Variants in CTNNA3 observed in about 807,000 individuals in gnomAD.
CTNNA3 encodes the protein catenin alpha 3, also known as catenin alpha-3.
A neutral mutation model predicts 95.7 loss-of-function variants in CTNNA3; 76 were observed. That is an observed-to-expected ratio of 0.79 (90% CI 0.66 to 0.96). The LOEUF is 0.96. CTNNA3 is among the 40% of genes least tolerant of loss of function. The pLI is 0.00. For missense variants in CTNNA3, 1,191 were observed against 1,089.8 expected, an observed-to-expected ratio of 1.09 and a Z score of -1.31; for synonymous variants, 431 against 374.4, an observed-to-expected ratio of 1.15 and a Z score of -1.74.
At chr10:67,486,372 A>G (rs1848449931) in intron 5 of CTNNA3, among the ~76,000 whole-genome samples, 1 of 152,118 alleles carries the variant, frequency 6.6e-6, no homozygotes, top group Non-Finnish European at 1.5e-5. Flanking sequence ...CTAGTACTCA[A>G]TTCCAATAGA....
rs532225128 is a variant in CTNNA3, at chr10:66,506,076, G to T, written c.1531+14541C>A. Reference sequence around the variant, plus strand: ...GGGAGCCAGCATGTAGAGATTACTTGGTAAGGGAGGAAGCAAAGGGTGCGG... The same window carrying T: ...GGGAGCCAGCATGTAGAGATTACTTTGTAAGGGAGGAAGCAAAGGGTGCGG... On this transcript the variant is annotated intron_variant, in intron 11 of 17. Transcript: ENST00000433211. Among the ~76,000 whole-genome samples, 3 of 152,186 alleles carry T rather than the reference G, an allele frequency of 2.0e-5. No homozygotes were observed. In the East Asian group the frequency reaches 5.8e-4, roughly 30 times the overall value.
intron 5 of CTNNA3, among the ~76,000 whole-genome samples, chr10:67,374,722 G>T (rs1028830595): frequency 2.0e-5 from 3 of 152,134 alleles, no homozygotes; most frequent in Admixed American, 6.5e-5. Context: ...CTTGAAGGAA[G>T]TAAAGCAGCA....
At chr10:67,054,263 T>C (rs1409124397) in intron 7 of CTNNA3, among the ~76,000 whole-genome samples, 1 of 152,040 alleles carries the variant, frequency 6.6e-6, no homozygotes, top group Non-Finnish European at 1.5e-5. Context: ...TGTGGAGATA[T>C]AAAAATTTAC....
intron 13 of CTNNA3, among the ~76,000 whole-genome samples, chr10:66,124,260 G>T (rs925052084): frequency 6.6e-6 from 1 of 152,094 alleles, no homozygotes; most frequent in Non-Finnish European, 1.5e-5. Context: ...TCTCTCTAGG[G>T]CAGGGGCAAA....
At chr10:67,151,891 A>G (rs1861102173) in intron 7 of CTNNA3, among the ~76,000 whole-genome samples, 1 of 152,202 alleles carries the variant, frequency 6.6e-6, no homozygotes, top group Non-Finnish European at 1.5e-5. Flanking sequence ...CCATTCCCCT[A>G]GGGGATAACA....
intron 13 of CTNNA3, among the ~76,000 whole-genome samples, chr10:66,182,720 A>C (rs949828564): frequency 6.4e-5 from 9 of 140,940 alleles, no homozygotes; most frequent in Admixed American, 1.4e-4. Context: ...TCTTAATGCC[A>C]AAAAAAGATG....
intron 10 of CTNNA3, among the ~76,000 whole-genome samples, chr10:66,567,996 A>C (rs1265325120): frequency 2.0e-5 from 3 of 152,250 alleles, no homozygotes; most frequent in Admixed American, 6.5e-5. Flanking sequence ...GATTGTGTTC[A>C]AACATGTATA....
At chr10:67,357,012 C>A (rs75752226) in intron 5 of CTNNA3, among the ~76,000 whole-genome samples, 1 of 152,078 alleles carries the variant, frequency 6.6e-6, no homozygotes, top group South Asian at 2.1e-4. Context: ...CCTACACAAC[C>A]GTTTAACGTC....
rs1402956278 is a variant in CTNNA3 at position 67,246,181 on chromosome 10, ACTG to A, written c.580-26314_580-26312del. ...AATAACGATTTTGCCTTACTCAAGA[ACTG>A]TACGCAGAGCATGAATCATCTATAT... On this transcript the variant is annotated intron_variant, in intron 5 of 17. Transcript: ENST00000433211. Among the ~76,000 whole-genome samples the A allele has an allele frequency of 1.6e-4, 24 of 152,280 alleles. No homozygotes were observed. In the East Asian group the frequency reaches 4.6e-3, roughly 29 times the overall value.
At chr10:66,540,110 A>G (rs1841798012) in intron 10 of CTNNA3, among the ~76,000 whole-genome samples, 1 of 152,134 alleles carries the variant, frequency 6.6e-6, no homozygotes, top group Non-Finnish European at 1.5e-5. Context: ...CCTTACTGTT[A>G]TAAACATTGG....
chr10:67,148,140 T>TA (rs1860927057), intron 7 of CTNNA3, among the ~76,000 whole-genome samples: 1 of 151,936 alleles, frequency 6.6e-6, no homozygotes, highest in Non-Finnish European at 1.5e-5. Flanking sequence ...ACTAGAAAAA[T>TA]AAAGAAGATC....
At chr10:66,391,339 G>C (rs866081396) in intron 11 of CTNNA3, among the ~76,000 whole-genome samples, 6 of 152,002 alleles carry the variant, frequency 3.9e-5, no homozygotes, top group Non-Finnish European at 8.8e-5. Context: ...GTCATTGAAG[G>C]CTTCATATTT....
chr10:67,756,765 G>A (rs1841435807), intron 1 of CTNNA3, among the ~76,000 whole-genome samples: 1 of 152,092 alleles, frequency 6.6e-6, no homozygotes, highest in African/African-American at 2.4e-5. Flanking sequence ...ATACATTAGT[G>A]ACAGTAACAC....
chr10:66,008,028 C>T (rs1195562321), intron 15 of CTNNA3, among the ~76,000 whole-genome samples: 1 of 151,916 alleles, frequency 6.6e-6, no homozygotes, highest in Non-Finnish European at 1.5e-5. Context: ...CAACGTTTTC[C>T]CCAAATACTC....
At chr10:67,262,805 G>C (rs928484872) in intron 5 of CTNNA3, among the ~76,000 whole-genome samples, 7 of 152,102 alleles carry the variant, frequency 4.6e-5, no homozygotes, top group African/African-American at 1.7e-4. Context: ...AAGAAATAAT[G>C]TTAAAAATGA....
chr10:67,189,666 T>C (rs918737117), intron 6 of CTNNA3, among the ~76,000 whole-genome samples: 3 of 151,064 alleles, frequency 2.0e-5, no homozygotes, highest in African/African-American at 7.3e-5. Flanking sequence ...AGATTTTATG[T>C]TATCAAGTCT....
At chr10:66,789,321 T>C (rs540676842) in intron 7 of CTNNA3, among the ~76,000 whole-genome samples, 4 of 152,066 alleles carry the variant, frequency 2.6e-5, no homozygotes, top group East Asian at 1.9e-4. Flanking sequence ...ATTACAGGCA[T>C]GCATCACCAC....
At chr10:67,307,279 A>T (rs1840594977) in intron 5 of CTNNA3, among the ~76,000 whole-genome samples, 1 of 152,228 alleles carries the variant, frequency 6.6e-6, no homozygotes, top group Non-Finnish European at 1.5e-5. Flanking sequence ...TCTTATAGAA[A>T]AGTAAAGGAA....
intron 15 of CTNNA3, among the ~76,000 whole-genome samples, chr10:66,047,610 G>A (rs2079855259): frequency 6.6e-6 from 1 of 152,076 alleles, no homozygotes; most frequent in South Asian, 2.1e-4. Context: ...ATTCAAAATA[G>A]TATTGAAAGT....
Sources: gnomAD v4.1 joint callset for allele counts (sites outside exome capture counted in the v4.1 genomes callset) on GRCh38, gnomAD v4.1.1 for gene constraint, MANE v1.5 for transcripts, NCBI Gene and HGNC (gene_info 2026-07-23, HGNC 2026-07-21) for gene names.